Variants in FRMD4A observed in about 807,000 individuals in gnomAD.
FRMD4A encodes FERM domain containing 4A.
FRMD4A carries 29 observed loss-of-function variants against 129.1 expected under a neutral mutation model. The observed-to-expected ratio is 0.22, with a 90% confidence interval of 0.17 to 0.31. The LOEUF (loss-of-function observed/expected upper bound fraction) is 0.31. FRMD4A is among the 10% of genes least tolerant of loss of function. The pLI is 1.00. For missense variants in FRMD4A, 1,272 were observed against 1,375.8 expected, an observed-to-expected ratio of 0.92 and a Z score of 1.19; for synonymous variants, 634 against 571.6, an observed-to-expected ratio of 1.11 and a Z score of -1.56.
chr10:13,747,886 T>C lies in FRMD4A; in HGVS notation c.465-67A>G. Reference sequence around the variant, plus strand: ...AAATAATCGCACTCTCTGATACCACTTGGGCCGCTGTCTTGTCTGAGAGAC... The same window carrying C: ...AAATAATCGCACTCTCTGATACCACCTGGGCCGCTGTCTTGTCTGAGAGAC... On this transcript the variant is annotated intron_variant, in intron 8 of 24. Coordinates refer to ENST00000357447, the MANE Select transcript of FRMD4A (RefSeq NM_018027.5). 5.7e-6 allele frequency: 5 copies of C among 882,240 alleles called. No individual in the cohort carries two copies. In the South Asian group the frequency reaches 6.7e-5, roughly 12 times the overall value. 54.7% of individuals were successfully genotyped at this position (882,240 alleles called of 1,614,324 possible).
intron 2 of FRMD4A, among the ~76,000 whole-genome samples, chr10:13,915,835 A>C (rs1381798074): frequency 6.6e-6 from 1 of 152,072 alleles, no homozygotes; most frequent in Non-Finnish European, 1.5e-5. Flanking sequence ...CCCGCTGCAG[A>C]GGGAATCCCT....
At chr10:13,856,477 T>C (rs1031136707) in intron 3 of FRMD4A, among the ~76,000 whole-genome samples, 2 of 152,088 alleles carry the variant, frequency 1.3e-5, no homozygotes, top group African/African-American at 4.8e-5. Context: ...TGATAACAAG[T>C]ACACAACCAA....
intron 2 of FRMD4A, among the ~76,000 whole-genome samples, chr10:14,188,731 C>A (rs1281020497): frequency 6.6e-6 from 1 of 152,118 alleles, no homozygotes; most frequent in African/African-American, 2.4e-5. Flanking sequence ...ATAGTGAGAC[C>A]CCGTCCCTAC....
chr10:13,925,572 T>C, intron 2 of FRMD4A, among the ~76,000 whole-genome samples: 1 of 24,812 alleles, frequency 4.0e-5, no homozygotes, highest in African/African-American at 1.5e-4. Flanking sequence ...AACGCTTTTT[T>C]TTTTTTTTTT....
chr10:13,812,740 T>C (rs776511826), intron 3 of FRMD4A, among the ~76,000 whole-genome samples: 1 of 152,246 alleles, frequency 6.6e-6, no homozygotes, highest in Non-Finnish European at 1.5e-5. Context: ...ACTGAAAGAA[T>C]GGGTTTGAAG....
At chr10:13,750,069 G>GA (rs2091502310) in intron 8 of FRMD4A, among the ~76,000 whole-genome samples, 48 of 55,650 alleles carry the variant, frequency 8.6e-4, no homozygotes, top group South Asian at 2.1e-3. Flanking sequence ...AGGAAGGAAG[G>GA]AAGAAAGAAA....
At chr10:13,704,401 C>T (rs564479216) in intron 13 of FRMD4A, among the ~76,000 whole-genome samples, 56 of 152,312 alleles carry the variant, frequency 3.7e-4, no homozygotes, top group African/African-American at 1.2e-3. Context: ...CTGCTTCTTC[C>T]TCTGGGCTCC....
intron 15 of FRMD4A, among the ~76,000 whole-genome samples, chr10:13,680,986 G>A (rs1370957181): frequency 2.0e-5 from 3 of 152,126 alleles, no homozygotes; most frequent in East Asian, 1.9e-4. Flanking sequence ...ATGGTGTAAC[G>A]CCTTGAGTTA....
At chr10:14,288,536 C>T (rs1323137874) in intron 2 of FRMD4A, among the ~76,000 whole-genome samples, 2 of 152,152 alleles carry the variant, frequency 1.3e-5, no homozygotes, top group Non-Finnish European at 2.9e-5. Context: ...TGCAAGGCTT[C>T]ATCTTGCCAG....
intron 12 of FRMD4A, among the ~76,000 whole-genome samples, chr10:13,714,763 G>C (rs932565179): frequency 6.6e-6 from 1 of 152,006 alleles, no homozygotes; most frequent in African/African-American, 2.4e-5. Context: ...CTGCAGGCTG[G>C]GCATGGTGGC....
At chr10:13,891,411 C>G (rs987754964) in intron 2 of FRMD4A, among the ~76,000 whole-genome samples, 1 of 151,956 alleles carries the variant, frequency 6.6e-6, no homozygotes, top group Non-Finnish European at 1.5e-5. Flanking sequence ...TGTGTGTGTG[C>G]CGAGGGGAGG....
At chr10:14,176,813 A>C (rs565982906) in intron 2 of FRMD4A, among the ~76,000 whole-genome samples, 1 of 151,846 alleles carries the variant, frequency 6.6e-6, no homozygotes, top group East Asian at 1.9e-4. Context: ...TCTTCCCCAG[A>C]CCCTTCCTCT....
intron 2 of FRMD4A, among the ~76,000 whole-genome samples, chr10:14,247,996 C>G (rs1357009756): frequency 6.6e-6 from 1 of 152,178 alleles, no homozygotes; most frequent in Non-Finnish European, 1.5e-5. Flanking sequence ...AGTAGTTTGC[C>G]TTCTGTTCCC....
chr10:14,001,199 A>T (rs1046197759), intron 2 of FRMD4A, among the ~76,000 whole-genome samples: 1 of 152,184 alleles, frequency 6.6e-6, no homozygotes, highest in African/African-American at 2.4e-5. Context: ...TGATGCCTGG[A>T]TCCTATCCCC....
intron 3 of FRMD4A, among the ~76,000 whole-genome samples, chr10:13,839,047 A>C (rs1588972359): frequency 8.3e-6 from 1 of 120,556 alleles, no homozygotes; most frequent in Admixed American, 1.1e-4. Context: ...CTCAGGCTGG[A>C]GTACAGTGGT....
intron 2 of FRMD4A, among the ~76,000 whole-genome samples, chr10:14,063,141 G>T (rs1305737923): frequency 2.0e-5 from 3 of 151,512 alleles, no homozygotes; most frequent in African/African-American, 7.3e-5. Flanking sequence ...AACGTATTTT[G>T]CAGACATGAC....
At chr10:14,325,313 T>C (rs2132126142) in intron 2 of FRMD4A, among the ~76,000 whole-genome samples, 1 of 152,358 alleles carries the variant, frequency 6.6e-6, no homozygotes, top group Non-Finnish European at 1.5e-5. Flanking sequence ...TAGATTATAG[T>C]AATAGAACTA....
chr10:14,009,117 T>C (rs1005486437), intron 2 of FRMD4A, among the ~76,000 whole-genome samples: 4 of 152,256 alleles, frequency 2.6e-5, no homozygotes, highest in African/African-American at 7.2e-5. Context: ...TATTTTCTGA[T>C]CATATTGTGT....
At chr10:13,963,269 CTTTTT>C (rs142764391) in intron 2 of FRMD4A, among the ~76,000 whole-genome samples, 5 of 116,782 alleles carry the variant, frequency 4.3e-5, no homozygotes, top group Admixed American at 9.0e-5. Context: ...GTGCAAGCCT[CTTTTT>C]TTTTTTTTTT....
Sources: allele counts gnomAD v4.1 joint callset (sites outside exome capture counted in the v4.1 genomes callset), GRCh38; gene constraint gnomAD v4.1.1; transcripts MANE v1.5; gene names NCBI Gene and HGNC (gene_info 2026-07-23, HGNC 2026-07-21).